PACSIN1: variants seen among roughly 807,000 people sequenced by gnomAD.
PACSIN1 encodes the protein protein kinase C and casein kinase substrate in neurons protein 1.
PACSIN1 carries 15 observed loss-of-function variants against 59.5 expected under a neutral mutation model. The observed-to-expected ratio is 0.25, with a 90% CI of 0.17 to 0.39. The LOEUF is 0.39. Among genes scored for constraint, PACSIN1 ranks in the 10% least tolerant of loss-of-function variants. PACSIN1 has a pLI of 1.00. For synonymous variants in PACSIN1, 210 were observed against 220.6 expected (o/e 0.95, Z 0.42); for missense variants, 420 against 580.2 (o/e 0.72, Z 2.84).
At chr6:34,478,373 T>C (rs1340209626) in intron 1 of PACSIN1, among the ~76,000 whole-genome samples, 7 of 132,326 alleles carry the variant, frequency 5.3e-5, no homozygotes, top group East Asian at 2.2e-4. Flanking sequence ...TATCTTCTTT[T>C]TTTTTTTTTT....
At chr6:34,502,459 T>A in intron 1 of PACSIN1, among the ~76,000 whole-genome samples, 1 of 113,828 alleles carries the variant, frequency 8.8e-6, no homozygotes, top group East Asian at 2.8e-4. Flanking sequence ...GAAGAAGCCA[T>A]CTTTTTTTTT....
intron 1 of PACSIN1, among the ~76,000 whole-genome samples, chr6:34,469,273 G>A (rs1397614962): frequency 3.3e-5 from 5 of 152,160 alleles, no homozygotes; most frequent in Admixed American, 6.5e-5. Flanking sequence ...AAGTAATATA[G>A]GTTTGCTGTG....
At chr6:34,476,084 T>C (rs1766635122) in intron 1 of PACSIN1, among the ~76,000 whole-genome samples, 1 of 152,194 alleles carries the variant, frequency 6.6e-6, no homozygotes, top group South Asian at 2.1e-4. Context: ...CAGCAGTGAA[T>C]GACACACACT....
intron 2 of PACSIN1, among the ~76,000 whole-genome samples, chr6:34,526,779 G>C (rs1005627284): frequency 6.6e-6 from 1 of 152,228 alleles, no homozygotes; most frequent in Non-Finnish European, 1.5e-5. Context: ...GGGCCGCAGA[G>C]CGGGAGGCAC....
intron 1 of PACSIN1, among the ~76,000 whole-genome samples, chr6:34,486,916 C>T (rs376148022): frequency 6.6e-6 from 1 of 151,710 alleles, no homozygotes; most frequent in East Asian, 1.9e-4. Flanking sequence ...CCTATAATCC[C>T]AGCACTTTGG....
At chr6:34,501,806 G>A (rs139260525) in intron 1 of PACSIN1, among the ~76,000 whole-genome samples, 1,749 of 152,128 alleles carry the variant, frequency 0.011, 21 homozygotes, top group African/African-American at 0.032. Context: ...CGAGGAGGGT[G>A]GATCAAGAGG....
In PACSIN1 at chr6:34,521,417, T is replaced by A. The variant is rs979763445; in HGVS notation, c.-63-4826T>A. On this transcript the variant is annotated intron_variant, in intron 1 of 9. Coordinates refer to ENST00000244458, the MANE Select transcript of PACSIN1 (RefSeq NM_020804.5). This position sits in a 1 kb window ranked among gnomAD's most constrained non-coding sequence, Gnocchi z 4.3. ...GTCCCTTCCTCAAGCCAGGAGTAGATGGAACACAGCTGAGGGCCCTGCCCT... is the reference window on the plus strand; with the variant it reads ...GTCCCTTCCTCAAGCCAGGAGTAGAAGGAACACAGCTGAGGGCCCTGCCCT... Among the ~76,000 whole-genome samples, 1 of 152,154 alleles carries A rather than the reference T, an allele frequency of 6.6e-6. No individual in the cohort carries two copies. Among genetic ancestry groups the A allele is most frequent in the African/African-American group, 2.4e-5 (1 of 41,440 alleles).
rs778776415 is a variant in PACSIN1 at position 34,530,317 on chromosome 6, G to A, written c.863G>A (p.Arg288His). The A allele has an allele frequency of 7.4e-6, 12 of 1,614,010 alleles. No homozygotes were observed. The highest frequency in any genetic ancestry group is 4.5e-5 in the East Asian group (2 of 44,894). ...ADAQEDLRWF[R>H]STSGPGMPMN... The stretch of plus-strand genomic sequence containing the variant: ...GCCCAGGAAGACCTCAGATGGTTCC[G>A]CAGCACCAGTGGCCCCGGCATGCCC... Residue 288 changes from arginine to histidine, a missense_variant, in exon 7 of 10, where the codon CGC (arginine) becomes CAC (histidine). Transcript: ENST00000244458. The surrounding 1 kb of genome is among the most constrained non-coding windows in gnomAD (Gnocchi z 4.4).
At chr6:34,478,651 A>G (rs1289386196) in intron 1 of PACSIN1, among the ~76,000 whole-genome samples, 4 of 152,344 alleles carry the variant, frequency 2.6e-5, no homozygotes, top group Middle Eastern at 3.4e-3. Flanking sequence ...GATTACAGGC[A>G]TGAGCCACCA....
chr6:34,519,630 A>G (rs984684966), intron 1 of PACSIN1, among the ~76,000 whole-genome samples: 7 of 152,218 alleles, frequency 4.6e-5, no homozygotes, highest in South Asian at 4.2e-4. Flanking sequence ...GTTAACACCC[A>G]TAATACTGCA....
rs942391293 is a variant in PACSIN1 at position 34,516,052 on chromosome 6, T to C, written c.-63-10191T>C. On this transcript the variant is annotated intron_variant, in intron 1 of 9. Transcript: ENST00000244458. This position sits in a 1 kb window ranked among gnomAD's most constrained non-coding sequence, Gnocchi z 5.4. ...CACCTTGGGTGGCATAGGGAGGAGATGCTAGCCTGCAAGGGGCAGAAGGTT... is the reference window on the plus strand; with the variant it reads ...CACCTTGGGTGGCATAGGGAGGAGACGCTAGCCTGCAAGGGGCAGAAGGTT... Among the ~76,000 whole-genome samples, 3 of 152,176 alleles carry C rather than the reference T, an allele frequency of 2.0e-5. No individual in the cohort carries two copies. Among genetic ancestry groups the C allele is most frequent in the African/African-American group, 4.8e-5 (2 of 41,508 alleles).
intron 1 of PACSIN1, among the ~76,000 whole-genome samples, chr6:34,501,579 C>T (rs1037305212): frequency 1.4e-4 from 21 of 152,180 alleles, no homozygotes; most frequent in Non-Finnish European, 2.5e-4. Flanking sequence ...AGGATGGTGA[C>T]AGTGTCTTTA....
intron 1 of PACSIN1, among the ~76,000 whole-genome samples, chr6:34,477,438 G>A (rs1433412647): frequency 1.3e-5 from 2 of 152,138 alleles, no homozygotes; most frequent in African/African-American, 4.8e-5. Flanking sequence ...CCATCTCACT[G>A]TGGGTGTGGC....
intron 3 of PACSIN1, 70 bp downstream of exon 3, chr6:34,527,558 G>A (rs1016619701): frequency 1.8e-5 from 25 of 1,405,616 alleles, no homozygotes; most frequent in Admixed American, 2.5e-5. Context: ...GGTCCTAGGA[G>A]CCCCGGCTAC....
rs763010273 is a variant in PACSIN1, at chr6:34,534,801, C to A, written c.*2271C>A. ...GCGGGAGGGTCTCCTACCTGGAAGTCCCCCTGAGCTCCAGGGCCCAGCCCT... is the reference window on the plus strand; with the variant it reads ...GCGGGAGGGTCTCCTACCTGGAAGTACCCCTGAGCTCCAGGGCCCAGCCCT... On this transcript the variant is annotated 3_prime_UTR_variant, in exon 10 of 10. Coordinates refer to ENST00000244458, the MANE Select transcript of PACSIN1 (RefSeq NM_020804.5). 2 of 152,784 alleles carry A rather than the reference C, an allele frequency of 1.3e-5. No homozygotes were observed. Among genetic ancestry groups the A allele is most frequent in the Non-Finnish European group, 2.9e-5 (2 of 68,122 alleles). The allele number at this position is 152,784 out of a possible 1,614,324, so 9.5% of individuals were successfully genotyped here. A position where few individuals can be genotyped will look rare whatever the true frequency, so the allele number is the denominator to read the frequency against.
chr6:34,519,247 G>A (rs1355392504), intron 1 of PACSIN1, among the ~76,000 whole-genome samples: 1 of 152,084 alleles, frequency 6.6e-6, no homozygotes, highest in East Asian at 1.9e-4. Flanking sequence ...CTCTGCCCTG[G>A]GCCTCTCTGG....
chr6:34,472,303 T>C (rs370675252), intron 1 of PACSIN1, among the ~76,000 whole-genome samples: 2 of 147,560 alleles, frequency 1.4e-5, no homozygotes, highest in African/African-American at 2.5e-5. Context: ...AAGAACAATG[T>C]GTGTAGTATG....
Position 34,496,436 on chromosome 6 carries a change from G to A in PACSIN1, c.-63-29807G>A, listed in dbSNP as rs574167437. ...GGGGTGATCTCTGCCAGCCTGAGGC[G>A]GGAGGCACATGGGTGAGCTCTTGGC... On this transcript the variant is annotated intron_variant, in intron 1 of 9. Coordinates refer to ENST00000244458, the MANE Select transcript of PACSIN1 (RefSeq NM_020804.5). Among the ~76,000 whole-genome samples, 56 of 152,330 alleles carry A rather than the reference G, an allele frequency of 3.7e-4. No individual in the cohort carries two copies. The Middle Eastern group carries it at 0.024, about 65-fold the overall frequency.
At chr6:34,466,678 G>A (rs66508708) in intron 1 of PACSIN1, among the ~76,000 whole-genome samples, 42,363 of 152,174 alleles carry the variant, frequency 0.28, 6,042 homozygotes, top group Non-Finnish European at 0.31. Flanking sequence ...GTGGGCTGGG[G>A]AGAAACACAG....
Sources: gnomAD v4.1 joint callset for allele counts (sites outside exome capture counted in the v4.1 genomes callset) on GRCh38, gnomAD v4.1.1 for gene constraint, Gnocchi (gnomAD v3.1) non-coding constraint, MANE v1.5 for transcripts, NCBI Gene and HGNC (gene_info 2026-07-23, HGNC 2026-07-21) for gene names.